The following ARAP3 variants were observed in gnomAD, a reference collection of about 807,000 sequenced individuals.
The protein encoded by ARAP3 is arf-GAP with Rho-GAP domain, ANK repeat and PH domain-containing protein 3.
In ARAP3, 82 loss-of-function variants were observed where a neutral mutation model predicts 169.2. That is an observed-to-expected ratio of 0.48 (90% CI 0.41 to 0.58). The LOEUF is 0.58. Among genes scored for constraint, ARAP3 ranks in the 20% least tolerant of loss-of-function variants. ARAP3 has a pLI of 0.00. For missense variants in ARAP3, 1,764 were observed against 2,018.0 expected, an observed-to-expected ratio of 0.87 and a Z score of 2.41; for synonymous variants, 791 against 800.3, an observed-to-expected ratio of 0.99 and a Z score of 0.20.
chr5:141,661,871 C>A (rs1375263107), intron 20 of ARAP3, 82 bp from the exon 21 acceptor site: 3 of 1,505,412 alleles, frequency 2.0e-6, no homozygotes, highest in Middle Eastern at 1.8e-4. Flanking sequence ...TTTTTAGGCA[C>A]AAATGCAGGA....
chr5:141,663,589 C>T (rs2099910255), intron 19 of ARAP3, among the ~76,000 whole-genome samples: 1 of 152,210 alleles, frequency 6.6e-6, no homozygotes, highest in African/African-American at 2.4e-5. Flanking sequence ...ACGCCCGGCC[C>T]CATATTCTTT....
At chr5:141,665,277 G>A in intron 18 of ARAP3, 34 bp downstream of exon 18, 1 of 1,612,172 alleles carries the variant, frequency 6.2e-7, no homozygotes, top group Non-Finnish European at 8.5e-7. Context: ...GCTCCAGGAA[G>A]GGGAGCCCCA....
At chr5:141,666,698 T>C (rs933074059) in intron 16 of ARAP3, 55 bp from the exon 17 acceptor site, 2 of 942,380 alleles carry the variant, frequency 2.1e-6, no homozygotes, top group Non-Finnish European at 2.9e-6. Flanking sequence ...AGACAAGGAA[T>C]AGGGGAGAGA....
chr5:141,669,544 A>C (rs993081916), intron 16 of ARAP3, among the ~76,000 whole-genome samples, 165 bp downstream of exon 16: 1 of 152,180 alleles, frequency 6.6e-6, no homozygotes, highest in African/African-American at 2.4e-5. Context: ...ATTAAATGAG[A>C]TATCGAGTGG....
chr5:141,679,087 G>A (rs1452446462), intron 4 of ARAP3, among the ~76,000 whole-genome samples: 1 of 151,962 alleles, frequency 6.6e-6, no homozygotes, highest in African/African-American at 2.4e-5. Flanking sequence ...TCAGGAGTTC[G>A]AGACCAGCCT....
rs1300155844 is a variant in ARAP3 at position 141,671,998 on chromosome 5, T to G, written c.1586-18A>C. 14 of 1,585,356 alleles carry G rather than the reference T, an allele frequency of 8.8e-6. No homozygotes were observed. The East Asian group carries it at 2.7e-4, about 30-fold the overall frequency. The stretch of plus-strand genomic sequence containing the variant: ...GTGCTGACCTGTGAGGGTGTGAGGG[T>G]GTGTGAGGGTGTGTGAGGGTGTGAG... On this transcript the variant is annotated intron_variant, in intron 10 of 32. Coordinates refer to ENST00000239440, the MANE Select transcript of ARAP3 (RefSeq NM_022481.6). This position sits in a 1 kb window ranked among gnomAD's most constrained non-coding sequence, Gnocchi z 4.9.
chr5:141,673,592 T>C lies in ARAP3; in HGVS notation c.902+13A>G. 3 of 1,611,778 alleles carry C rather than the reference T, an allele frequency of 1.9e-6. No homozygotes were observed. The highest frequency in any genetic ancestry group is 2.5e-6 in the Non-Finnish European group (3 of 1,178,390). On this transcript the variant is annotated intron_variant, in intron 5 of 32. Transcript: ENST00000239440. ...CCTCTCTTTTCTCCCTCCCTTCCCC[T>C]CCCAGCACCCACCCCTGAGGGGAGA...
In ARAP3 at chr5:141,655,225, T is replaced by TACACACACACACAC. The variant is rs148481472; in HGVS notation, c.4149+123_4149+136dup. On this transcript the variant is annotated intron_variant, in intron 32 of 32. Transcript: ENST00000239440. The stretch of plus-strand genomic sequence containing the variant: ...CACACACACACACACCCTGATGGCC[T>TACACACACACACAC]ACACACACACACACACACACACACA... The TACACACACACACAC allele has an allele frequency of 1.2e-3, 613 of 491,036 alleles. 1 individual carries two copies. Among genetic ancestry groups the TACACACACACACAC allele is most frequent in the South Asian group, 2.2e-3 (106 of 47,150 alleles). 30.4% of individuals were successfully genotyped at this position (491,036 alleles called of 1,614,324 possible).
rs1369848678 is a variant in ARAP3 at position 141,656,112 on chromosome 5, G to A, written c.3873-13C>T. On this transcript the variant is annotated splice_polypyrimidine_tract_variant and intron_variant, in intron 28 of 32. Transcript: ENST00000239440. Reference sequence around the variant, plus strand: ...TGTGAAGCCCCACCTGGGAGACAAAGAACAGTGATGGGGCAGTCAGAAAGG... The same window carrying A: ...TGTGAAGCCCCACCTGGGAGACAAAAAACAGTGATGGGGCAGTCAGAAAGG... 1 of 1,614,146 alleles carries A rather than the reference G, an allele frequency of 6.2e-7. No individual in the cohort carries two copies. The highest frequency in any genetic ancestry group is 1.7e-5 in the Admixed American group (1 of 60,024).
intron 16 of ARAP3, among the ~76,000 whole-genome samples, chr5:141,669,232 A>G (rs946130839): frequency 2.0e-5 from 3 of 152,194 alleles, no homozygotes; most frequent in Non-Finnish European, 2.9e-5. Flanking sequence ...GGAATGGCAT[A>G]CAGGAGAGAG....
intron 16 of ARAP3, among the ~76,000 whole-genome samples, chr5:141,669,135 C>T (rs1269951677): frequency 6.6e-6 from 1 of 152,088 alleles, no homozygotes; most frequent in African/African-American, 2.4e-5. Context: ...TTACGCCCAC[C>T]CTACAGATGT....
At position 141,655,410 on chromosome 5, in the gene ARAP3, G is replaced by A. The variant is rs200830343; in HGVS notation, c.4111-10C>T. On this transcript the variant is annotated splice_polypyrimidine_tract_variant and intron_variant, in intron 31 of 32. Coordinates refer to ENST00000239440, the MANE Select transcript of ARAP3 (RefSeq NM_022481.6). ...GGTTGTGTAGTCGCCGCTGGACACA[G>A]GTGGGGTGGGGACAAGGGGAAGGAA... The A allele has an allele frequency of 2.6e-4, 415 of 1,587,672 alleles. No individual in the cohort carries two copies. Among genetic ancestry groups the A allele is most frequent in the Non-Finnish European group, 3.5e-4 (403 of 1,166,708 alleles).
chr5:141,657,109 A>C (rs7704263), intron 25 of ARAP3, among the ~76,000 whole-genome samples: 1 of 152,000 alleles, frequency 6.6e-6, no homozygotes, highest in Non-Finnish European at 1.5e-5. Flanking sequence ...GAAACAATAA[A>C]CTGAGCAAGC....
At chr5:141,669,608 G>C in intron 16 of ARAP3, 101 bp downstream of exon 16, 1 of 1,114,744 alleles carries the variant, frequency 9.0e-7, no homozygotes, top group Non-Finnish European at 1.3e-6. Context: ...ACCCTTAGCT[G>C]TTAGTGGAAG....
Position 141,665,211 on chromosome 5 carries a change from A to C in ARAP3, c.2636+100T>G, listed in dbSNP as rs1022459699. On this transcript the variant is annotated intron_variant, in intron 18 of 32. Coordinates refer to ENST00000239440, the MANE Select transcript of ARAP3 (RefSeq NM_022481.6). ...CCAAATCATCCTGGAGCAAGGGAAG[A>C]AACTTTGAGGAAGTGGGCAATGGCC... 4.7e-5 allele frequency: 74 copies of C among 1,571,036 alleles called. No homozygotes were observed. In the African/African-American group the frequency reaches 9.7e-4, roughly 20 times the overall value.
intron 29 of ARAP3, 61 bp downstream of exon 29, chr5:141,656,003 G>T (rs996351579): frequency 6.2e-7 from 1 of 1,613,834 alleles, no homozygotes. Context: ...TACAAAGAGG[G>T]AAGAGAAAAG....
rs2099911775 is a variant in ARAP3, at chr5:141,673,825, C to G, written c.699-17G>C. 1 of 1,612,942 alleles carries G rather than the reference C, an allele frequency of 6.2e-7. No homozygotes were observed. Among genetic ancestry groups the G allele is most frequent in the African/African-American group, 1.3e-5 (1 of 75,044 alleles). On this transcript the variant is annotated splice_polypyrimidine_tract_variant and intron_variant, in intron 4 of 32. Coordinates refer to ENST00000239440, the MANE Select transcript of ARAP3 (RefSeq NM_022481.6). ...CTGCTGAGCCTTGTGGGGGCCAAGA[C>G]AGGGAGGGACACACATTAGACAAGT...
Position 141,671,322 on chromosome 5 carries a change from C to A in ARAP3, c.1933G>T (p.Glu645Ter), listed in dbSNP as rs1433251800. 1 of 1,613,596 alleles carries A rather than the reference C, an allele frequency of 6.2e-7. No individual in the cohort carries two copies. The highest frequency in any genetic ancestry group is 8.5e-7 in the Non-Finnish European group (1 of 1,179,832). The change falls in exon 13 of 33, where the codon GAG becomes TAG. Residue 645 changes from glutamate to a stop codon, truncating the protein, a stop_gained. Transcript: ENST00000239440. LOFTEE classifies it high-confidence loss of function. The surrounding 1 kb of genome is among the most constrained non-coding windows in gnomAD (Gnocchi z 4.9). ...QLLCVEAFEG[E>*]EPWFPPAPDG... ...GGGGCTGGGGGGAACCAGGGCTCCTCGCCTTCAAAGGCCTCAACACAGAGG... is the reference window on the plus strand; with the variant it reads ...GGGGCTGGGGGGAACCAGGGCTCCTAGCCTTCAAAGGCCTCAACACAGAGG...
In ARAP3 at chr5:141,672,311, G is replaced by A. The variant is rs767939826; in HGVS notation, c.1386-10C>T. 1.1e-5 allele frequency: 17 copies of A among 1,613,764 alleles called. No homozygotes were observed. The highest frequency in any genetic ancestry group is 3.3e-4 in the Middle Eastern group (2 of 6,084). On this transcript the variant is annotated splice_polypyrimidine_tract_variant and intron_variant, in intron 9 of 32. Coordinates refer to ENST00000239440, the MANE Select transcript of ARAP3 (RefSeq NM_022481.6). This position sits in a 1 kb window ranked among gnomAD's most constrained non-coding sequence, Gnocchi z 4.9. ...AGACTCGGCTGTGAAGCTGAGGGGT[G>A]GACAGCCAGTCCATGGGCATGGACC...
Sources: gnomAD v4.1 joint callset for allele counts (sites outside exome capture counted in the v4.1 genomes callset) on GRCh38, gnomAD v4.1.1 for gene constraint, Gnocchi (gnomAD v3.1) non-coding constraint, MANE v1.5 for transcripts, NCBI Gene and HGNC (gene_info 2026-07-23, HGNC 2026-07-21) for gene names.